Variants in CIT observed in about 807,000 individuals in gnomAD.
CIT encodes the protein citron rho-interacting serine/threonine kinase.
Under a neutral mutation model 272.7 loss-of-function variants are expected in CIT, and 79 were observed. The observed-to-expected ratio is 0.29, with a 90% CI of 0.24 to 0.35. The LOEUF is 0.35. Ranked by LOEUF, CIT falls within the 10% of genes least tolerant of loss-of-function variation. The probability of loss-of-function intolerance (pLI) is 1.00; values close to 1 mark genes in which losing one functional copy is unlikely to be tolerated. For missense variants in CIT, 1,909 were observed against 2,618.3 expected, an observed-to-expected ratio of 0.73 and a Z score of 5.91; for synonymous variants, 948 against 995.6, an observed-to-expected ratio of 0.95 and a Z score of 0.90.
At chr12:119,746,325 G>A (rs1292702079) in intron 23 of CIT, among the ~76,000 whole-genome samples, 3 of 152,134 alleles carry the variant, frequency 2.0e-5, no homozygotes, top group African/African-American at 4.8e-5. Context: ...AGCCACAAAC[G>A]ATATGTAAAC....
intron 6 of CIT, among the ~76,000 whole-genome samples, chr12:119,833,142 C>T (rs1968761022): frequency 6.6e-6 from 1 of 152,038 alleles, no homozygotes; most frequent in Admixed American, 6.6e-5. Context: ...AAATGAAACA[C>T]ATATTATTCA....
intron 25 of CIT, among the ~76,000 whole-genome samples, chr12:119,734,756 C>A (rs185347214): frequency 6.6e-6 from 1 of 152,274 alleles, no homozygotes; most frequent in East Asian, 1.9e-4. Flanking sequence ...CCCGCCTCAG[C>A]ATCCTGAAAA....
chr12:119,845,294 T>A (rs1215636571), intron 5 of CIT, among the ~76,000 whole-genome samples: 1 of 151,876 alleles, frequency 6.6e-6, no homozygotes, highest in Non-Finnish European at 1.5e-5. Context: ...ACAGTCCCAA[T>A]CCAAGAGGTA....
intron 40 of CIT, among the ~76,000 whole-genome samples, chr12:119,705,327 G>A (rs1050667762): frequency 6.6e-6 from 1 of 152,226 alleles, no homozygotes; most frequent in East Asian, 1.9e-4. Context: ...CCCTTTTAAC[G>A]TCTCCTGCTA....
At chr12:119,777,618 C>T (rs185532060) in intron 13 of CIT, among the ~76,000 whole-genome samples, 6 of 147,484 alleles carry the variant, frequency 4.1e-5, no homozygotes, top group Admixed American at 2.7e-4. Flanking sequence ...TGCAGTGAGC[C>T]GAGATCGCGC....
At chr12:119,757,011 T>C (rs1376217896) in intron 22 of CIT, among the ~76,000 whole-genome samples, 1 of 151,540 alleles carries the variant, frequency 6.6e-6, no homozygotes, top group Non-Finnish European at 1.5e-5. Flanking sequence ...TCCCAGCTAC[T>C]CGAGAAGCTG....
Position 119,730,498 on chromosome 12 carries a change from G to A in CIT, c.3483C>T (p.Asp1161=). 6.2e-7 allele frequency: 1 copy of A among 1,611,680 alleles called. No homozygotes were observed. The highest frequency in any genetic ancestry group is 8.5e-7 in the Non-Finnish European group (1 of 1,177,948). Reference sequence around the variant, plus strand: ...AGCAGAAGGGGTGGGCGCTGACCTTGTCAGAGAGGCTCTCGGCCTTCAGCT... The same window carrying A: ...AGCAGAAGGGGTGGGCGCTGACCTTATCAGAGAGGCTCTCGGCCTTCAGCT... ...EQKLKAESLS[D]KLNDLEKKHA... is the part of the protein sequence containing the mutation. Residue 1161 remains aspartate, a synonymous_variant, in exon 27 of 48, where the codon GAC becomes GAT. Transcript: ENST00000392521.
chr12:119,762,001 G>A (rs1027095641), intron 19 of CIT, among the ~76,000 whole-genome samples: 26 of 152,280 alleles, frequency 1.7e-4, no homozygotes, highest in African/African-American at 4.3e-4. Context: ...GGCTCCATTC[G>A]ACTTTTCCAA....
At chr12:119,861,309 G>C (rs1950329733) in intron 3 of CIT, among the ~76,000 whole-genome samples, 1 of 152,018 alleles carries the variant, frequency 6.6e-6, no homozygotes, top group East Asian at 1.9e-4. Flanking sequence ...CAGAGGGCCA[G>C]GCACTGTGGC....
chr12:119,831,213 T>C (rs1039667089), intron 7 of CIT, among the ~76,000 whole-genome samples: 1 of 152,222 alleles, frequency 6.6e-6, no homozygotes, highest in Non-Finnish European at 1.5e-5. Context: ...TTTTTTTCTG[T>C]GCTTTATTCC....
At chr12:119,703,691 G>A (rs1956717193) in intron 41 of CIT, among the ~76,000 whole-genome samples, 1 of 152,122 alleles carries the variant, frequency 6.6e-6, no homozygotes, top group Admixed American at 6.5e-5. Context: ...CTCCCAAAGT[G>A]CTGGGATTAT....
chr12:119,831,086 A>T (rs1968590874), intron 7 of CIT, among the ~76,000 whole-genome samples: 1 of 152,118 alleles, frequency 6.6e-6, no homozygotes, highest in Non-Finnish European at 1.5e-5. Context: ...GGCTGGTCTC[A>T]AACTCCAGCA....
intron 9 of CIT, among the ~76,000 whole-genome samples, chr12:119,809,606 C>T (rs1396238537): frequency 6.6e-6 from 1 of 152,190 alleles, no homozygotes; most frequent in Non-Finnish European, 1.5e-5. Context: ...TTCATCTGCT[C>T]AAGGCAGGAC....
chr12:119,701,295 C>T, intron 43 of CIT, among the ~76,000 whole-genome samples: 1 of 133,180 alleles, frequency 7.5e-6, no homozygotes, highest in East Asian at 2.2e-4. Flanking sequence ...AAGAAAAGGA[C>T]AGATAGAAGG....
chr12:119,712,836 A>G lies in CIT; in HGVS notation c.4580-141T>C. The G allele has an allele frequency of 1.5e-6, 1 of 666,028 alleles. No individual in the cohort carries two copies. Among genetic ancestry groups the G allele is most frequent in the South Asian group, 1.9e-5 (1 of 53,186 alleles). 41.3% of individuals were successfully genotyped at this position (666,028 alleles called of 1,614,324 possible). On this transcript the variant is annotated intron_variant, in intron 35 of 47. Transcript: ENST00000392521. The surrounding 1 kb of genome is among the most constrained non-coding windows in gnomAD (Gnocchi z 5.2). ...AGAGGCGCACGAGAACAAGGAAGGGACAGAGGTGTGCAGAGAAGGCAGAGA... is the reference window on the plus strand; with the variant it reads ...AGAGGCGCACGAGAACAAGGAAGGGGCAGAGGTGTGCAGAGAAGGCAGAGA...
At chr12:119,837,801 G>A (rs1969112173) in intron 5 of CIT, among the ~76,000 whole-genome samples, 1 of 152,170 alleles carries the variant, frequency 6.6e-6, no homozygotes, top group Non-Finnish European at 1.5e-5. Context: ...CAGGCATGTT[G>A]GCTCATGCCT....
At position 119,686,222 on chromosome 12, in the gene CIT, G is replaced by A. The variant is rs933015684; in HGVS notation, c.*2010C>T. On this transcript the variant is annotated 3_prime_UTR_variant, in exon 48 of 48. Coordinates refer to ENST00000392521, the MANE Select transcript of CIT (RefSeq NM_001206999.2). ...ATAGCAGAAAGCAGTTCACAGATGA[G>A]ACACACAATATACATTTTCAGGGCT... is the stretch of plus-strand genomic sequence containing the variant. 2.6e-5 allele frequency: 4 copies of A among 152,028 alleles called. No individual in the cohort carries two copies. Among genetic ancestry groups the A allele is most frequent in the African/African-American group, 7.3e-5 (3 of 41,280 alleles). 9.4% of individuals were successfully genotyped at this position (152,028 alleles called of 1,614,324 possible).
chr12:119,767,190 CA>C lies in CIT; in HGVS notation c.2209-9del. ...ATGTTTCTCTTCGAGCTCCTAGACA[CA>C]AAAGAAAAGACAGTCAGGTGTGCAG... is the stretch of plus-strand genomic sequence containing the variant. On this transcript the variant is annotated splice_polypyrimidine_tract_variant and intron_variant, in intron 18 of 47. Transcript: ENST00000392521. 1 of 1,602,982 alleles carries C rather than the reference CA, an allele frequency of 6.2e-7. No homozygotes were observed. Among genetic ancestry groups the C allele is most frequent in the Non-Finnish European group, 8.5e-7 (1 of 1,174,288 alleles).
rs114144412 is a variant in CIT at position 119,876,906 on chromosome 12, A to G, written c.-14+343T>C. Among the ~76,000 whole-genome samples, 1,138 of 152,338 alleles carry G rather than the reference A, an allele frequency of 7.5e-3. 21 individuals are homozygous for G. The highest frequency in any genetic ancestry group is 0.026 in the African/African-American group (1,068 of 41,586). On this transcript the variant is annotated intron_variant, in intron 1 of 47. Coordinates refer to ENST00000392521, the MANE Select transcript of CIT (RefSeq NM_001206999.2). ...AACAGAGAGGTTAAGTAAATGGCTA[A>G]GTTCACGCAGATAATAAGGAACCGG... is the stretch of plus-strand genomic sequence containing the variant.
Sources: gnomAD v4.1 joint callset for allele counts (sites outside exome capture counted in the v4.1 genomes callset) on GRCh38, gnomAD v4.1.1 for gene constraint, Gnocchi (gnomAD v3.1) non-coding constraint, MANE v1.5 for transcripts, NCBI Gene and HGNC (gene_info 2026-07-23, HGNC 2026-07-21) for gene names.